The following MGRN1 variants were observed in gnomAD, a reference collection of about 807,000 sequenced individuals.
MGRN1 encodes the protein E3 ubiquitin-protein ligase MGRN1.
MGRN1 carries 29 observed loss-of-function variants against 69.2 expected under a neutral mutation model. The observed-to-expected ratio is 0.42, with a 90% CI of 0.31 to 0.57. The LOEUF is 0.57. Among genes scored for constraint, MGRN1 ranks in the 20% least tolerant of loss-of-function variants. MGRN1 has a pLI of 0.15. For synonymous variants in MGRN1, 470 were observed against 344.2 expected (o/e 1.37, Z -4.04); for missense variants, 998 against 796.2 (o/e 1.25, Z -3.05).
chr16:4,633,786 C>G (rs943854239), intron 1 of MGRN1: 8 of 151,878 alleles, frequency 5.3e-5, no homozygotes, highest in African/African-American at 1.9e-4. Flanking sequence ...GGTGCTATCT[C>G]GGCTCACTGC....
At chr16:4,644,359 G>GT (rs1310175407) in intron 1 of MGRN1, among the ~76,000 whole-genome samples, 1 of 147,364 alleles carries the variant, frequency 6.8e-6, no homozygotes, top group Non-Finnish European at 1.5e-5. Context: ...CCAGGCTGGA[G>GT]TGGACAGCTG....
At chr16:4,636,953 A>G (rs906741328) in intron 1 of MGRN1, among the ~76,000 whole-genome samples, 1 of 151,422 alleles carries the variant, frequency 6.6e-6, no homozygotes, top group African/African-American at 2.4e-5. Context: ...CCCCGTCTCT[A>G]CTAAAAATAC....
chr16:4,665,282 T>C (rs1427605030), intron 7 of MGRN1, 131 bp downstream of exon 7: 17 of 912,818 alleles, frequency 1.9e-5, no homozygotes, highest in Middle Eastern at 2.5e-4. Context: ...CCGGGGCAGG[T>C]TGGGGCGTGT....
At chr16:4,639,837 C>T (rs541790984) in intron 1 of MGRN1, 2 of 152,216 alleles carry the variant, frequency 1.3e-5, no homozygotes, top group African/African-American at 2.4e-5. Context: ...TCAGACTTCT[C>T]CCTGAAAACT....
intron 12 of MGRN1, chr16:4,680,478 G>T (rs541153192): frequency 4.7e-6 from 1 of 212,760 alleles, no homozygotes; most frequent in East Asian, 1.5e-4. Flanking sequence ...CCTTTACCCT[G>T]CGGGTTCGAG....
At chr16:4,687,212 C>CT in intron 16 of MGRN1, 4 of 985,292 alleles carry the variant, frequency 4.1e-6, no homozygotes, top group African/African-American at 1.7e-5. Flanking sequence ...CCCCATCCCC[C>CT]CCAAGAGGCG....
intron 16 of MGRN1, chr16:4,686,342 C>T (rs1337612565): frequency 8.4e-6 from 13 of 1,539,700 alleles, no homozygotes; most frequent in Admixed American, 3.9e-5. Flanking sequence ...GGCTCTGACG[C>T]GCGTCCTTGG....
chr16:4,637,019 T>C (rs555138415), intron 1 of MGRN1, among the ~76,000 whole-genome samples: 3 of 149,044 alleles, frequency 2.0e-5, no homozygotes, highest in Non-Finnish European at 4.4e-5. Flanking sequence ...CTTGGGAGGC[T>C]GAGGCAGGAG....
At chr16:4,688,359 G>A (rs1206972604) in intron 16 of MGRN1, 34 of 993,942 alleles carry the variant, frequency 3.4e-5, no homozygotes, top group Admixed American at 6.0e-5. Context: ...CTCTGAGCAC[G>A]GGCTTGTTCT....
chr16:4,683,001 C>A, intron 14 of MGRN1, 55 bp downstream of exon 14: 1 of 1,495,226 alleles, frequency 6.7e-7, no homozygotes, highest in Non-Finnish European at 8.9e-7. Flanking sequence ...CCTCCTCCAG[C>A]TTCTGTCGCT....
chr16:4,653,944 G>A (rs982900698), intron 4 of MGRN1, among the ~76,000 whole-genome samples: 1 of 152,120 alleles, frequency 6.6e-6, no homozygotes, highest in African/African-American at 2.4e-5. Context: ...TAGAGACGGG[G>A]TTTCATCATG....
At chr16:4,669,448 A>AAAAAAAAAAAAT (rs2078891185) in intron 8 of MGRN1, among the ~76,000 whole-genome samples, 2 of 150,326 alleles carry the variant, frequency 1.3e-5, no homozygotes, top group Admixed American at 6.6e-5. Flanking sequence ...AAAAAAAAAA[A>AAAAAAAAAAAAT]GCTGTGCAAC....
intron 1 of MGRN1, among the ~76,000 whole-genome samples, chr16:4,647,215 G>T (rs1359622652): frequency 2.6e-5 from 4 of 152,242 alleles, no homozygotes; most frequent in Non-Finnish European, 4.4e-5. Flanking sequence ...GGAGGAGCAG[G>T]CAGGTGGCTC....
chr16:4,630,181 A>C (rs892124221), intron 1 of MGRN1, among the ~76,000 whole-genome samples: 15 of 151,708 alleles, frequency 9.9e-5, no homozygotes, highest in African/African-American at 3.6e-4. Flanking sequence ...GTGAAACTCC[A>C]TGTCTCCTAA....
chr16:4,646,614 C>G (rs1323477122), intron 1 of MGRN1, among the ~76,000 whole-genome samples: 2 of 152,080 alleles, frequency 1.3e-5, no homozygotes, highest in Admixed American at 6.6e-5. Flanking sequence ...TCCCCCAGAG[C>G]CTTAGAAGCC....
intron 1 of MGRN1, chr16:4,634,328 T>C (rs1898166287): frequency 6.6e-6 from 1 of 152,554 alleles, no homozygotes; most frequent in African/African-American, 2.4e-5. Context: ...CCAGAAGTTT[T>C]CTGGAAAATG....
intron 10 of MGRN1, among the ~76,000 whole-genome samples, chr16:4,676,696 C>T (rs567417060): frequency 8.5e-5 from 13 of 152,260 alleles, no homozygotes; most frequent in African/African-American, 2.2e-4. Flanking sequence ...GGCCTGCACA[C>T]GTCACTAAAG....
intron 4 of MGRN1, among the ~76,000 whole-genome samples, chr16:4,655,579 T>G (rs966278596): frequency 7.3e-6 from 1 of 137,228 alleles, no homozygotes; most frequent in Non-Finnish European, 1.6e-5. Context: ...ACTGTCCCCC[T>G]CTCTCAGGAC....
At chr16:4,646,951 G>A (rs549332538) in intron 1 of MGRN1, among the ~76,000 whole-genome samples, 5 of 152,340 alleles carry the variant, frequency 3.3e-5, no homozygotes, top group Admixed American at 2.6e-4. Flanking sequence ...GCTCCTGAGT[G>A]TCCCTCCAGA....
Sources: gnomAD v4.1 joint callset for allele counts (sites outside exome capture counted in the v4.1 genomes callset) on GRCh38, gnomAD v4.1.1 for gene constraint, MANE v1.5 for transcripts, NCBI Gene and HGNC (gene_info 2026-07-23, HGNC 2026-07-21) for gene names.